SOS2: variants seen among roughly 807,000 people sequenced by gnomAD.
SOS2 encodes the protein SOS Ras/Rho guanine nucleotide exchange factor 2.
Under a neutral mutation model 148.2 loss-of-function variants are expected in SOS2, and 65 were observed. The observed-to-expected ratio is 0.44, with a 90% CI of 0.36 to 0.54. The LOEUF (loss-of-function observed/expected upper bound fraction) is 0.54. SOS2 is among the 20% of genes least tolerant of loss of function. The pLI is 0.00. For synonymous variants in SOS2, 539 were observed against 537.1 expected (o/e 1.00, Z -0.05); for missense variants, 1,341 against 1,590.2 (o/e 0.84, Z 2.67).
chr14:50,203,240 C>T (rs767100400), intron 2 of SOS2, among the ~76,000 whole-genome samples: 14 of 151,494 alleles, frequency 9.2e-5, no homozygotes, highest in Non-Finnish European at 1.5e-4. Context: ...CTGGGGTGCA[C>T]GCCTGTAGTC....
rs905538725 is a variant in SOS2 at position 50,208,211 on chromosome 14, C to T, written c.88-3802G>A. 7.9e-5 allele frequency among the ~76,000 whole-genome samples: 12 copies of T among 151,956 alleles called. No individual in the cohort carries two copies. In the East Asian group the frequency reaches 1.4e-3, roughly 17 times the overall value. ...ACTTGGGAGGCTGAGGCAGGAGAATCGCTTGAACCCGGGAGGCGGAGGTTG... is the reference window on the plus strand; with the variant it reads ...ACTTGGGAGGCTGAGGCAGGAGAATTGCTTGAACCCGGGAGGCGGAGGTTG... On this transcript the variant is annotated intron_variant, in intron 1 of 22. Transcript: ENST00000216373.
At chr14:50,228,682 G>A (rs1887453328) in intron 1 of SOS2, among the ~76,000 whole-genome samples, 2 of 152,138 alleles carry the variant, frequency 1.3e-5, no homozygotes, top group African/African-American at 4.8e-5. Flanking sequence ...CTACATTGCT[G>A]CTTTCATAGA....
Position 50,120,803 on chromosome 14 carries a change from G to A in SOS2, c.3380-419C>T, listed in dbSNP as rs181906234. Among the ~76,000 whole-genome samples, 562 of 131,052 alleles carry A rather than the reference G, an allele frequency of 4.3e-3. 4 individuals are homozygous for A. Among genetic ancestry groups the A allele is most frequent in the African/African-American group, 0.015 (501 of 34,304 alleles). The allele number at this position is 131,052 out of a possible 152,430, so 86.0% of individuals were successfully genotyped here. On this transcript the variant is annotated intron_variant, in intron 21 of 22. Transcript: ENST00000216373. ...CGCCTAGGCTGGAGTGCAATGGCAC[G>A]ATCTCGGCTCACTGCAACCTCCGCC...
At chr14:50,199,970 C>A in intron 3 of SOS2, 115 bp from the exon 4 acceptor site, 2 of 623,566 alleles carry the variant, frequency 3.2e-6, no homozygotes, top group Non-Finnish European at 5.5e-6. Context: ...AACTACATGT[C>A]TAAATGTATG....
intron 4 of SOS2, among the ~76,000 whole-genome samples, chr14:50,192,682 G>A (rs531961935): frequency 7.5e-4 from 114 of 152,104 alleles, no homozygotes; most frequent in Non-Finnish European, 1.3e-3. Flanking sequence ...TGGCCAACAC[G>A]GCAAAACCCT....
chr14:50,177,359 A>C (rs928141876), intron 7 of SOS2, among the ~76,000 whole-genome samples: 2 of 152,202 alleles, frequency 1.3e-5, no homozygotes, highest in African/African-American at 4.8e-5. Flanking sequence ...ACAGCTTCTA[A>C]AGATGCTTTT....
chr14:50,121,532 G>T (rs1027087771), intron 21 of SOS2, among the ~76,000 whole-genome samples: 18 of 2,606 alleles, frequency 6.9e-3, no homozygotes, highest in East Asian at 0.058. Flanking sequence ...TCCTGGGGGA[G>T]GGGGGGGAGT....
intron 1 of SOS2, among the ~76,000 whole-genome samples, chr14:50,204,719 GTCAATAAACCT>G (rs1886605858): frequency 6.6e-6 from 1 of 152,082 alleles, no homozygotes; most frequent in Non-Finnish European, 1.5e-5. Flanking sequence ...ATACCCTGAA[GTCAATAAACCT>G]ACTTGAAGTC....
chr14:50,156,074 T>A (rs2139614283), intron 12 of SOS2: 1 of 152,230 alleles, frequency 6.6e-6, no homozygotes, highest in Admixed American at 6.5e-5. Flanking sequence ...GTTCCAAAAT[T>A]ACAATTTATT....
chr14:50,189,102 C>CACACACACAT (rs36076916), intron 4 of SOS2, among the ~76,000 whole-genome samples: 8 of 145,400 alleles, frequency 5.5e-5, no homozygotes, highest in African/African-American at 1.3e-4. Context: ...CACACACACA[C>CACACACACAT]GCACACACAA....
rs1174199602 is a variant in SOS2, at chr14:50,153,668, A to G, written c.2058-495T>C. On this transcript the variant is annotated intron_variant, in intron 12 of 22. Coordinates refer to ENST00000216373, the MANE Select transcript of SOS2 (RefSeq NM_006939.4). ...GCTCTTGTTGCCCAGGCTGGAGTGC[A>G]ATGGTGCGATCTCAGCTCACTACAA... is the stretch of plus-strand genomic sequence containing the variant. Among the ~76,000 whole-genome samples the G allele has an allele frequency of 3.9e-5, 6 of 152,226 alleles. No individual in the cohort carries two copies. The South Asian group carries it at 1.2e-3, about 32-fold the overall frequency.
intron 1 of SOS2, among the ~76,000 whole-genome samples, chr14:50,227,771 T>A (rs939804341): frequency 6.6e-6 from 1 of 152,182 alleles, no homozygotes; most frequent in African/African-American, 2.4e-5. Context: ...ATTGGTTTTT[T>A]AAAAATCCCT....
At chr14:50,170,991 G>GT (rs1383975817) in intron 8 of SOS2, among the ~76,000 whole-genome samples, 1 of 151,772 alleles carries the variant, frequency 6.6e-6, no homozygotes, top group African/African-American at 2.4e-5. Flanking sequence ...ACAGGCGCCT[G>GT]TAATCCCAGC....
chr14:50,147,056 G>A (rs1321272484), intron 14 of SOS2, among the ~76,000 whole-genome samples: 1 of 148,626 alleles, frequency 6.7e-6, no homozygotes, highest in African/African-American at 2.5e-5. Context: ...AAAAAAAACA[G>A]GCACAGTAGT....
rs1003370360 is a variant in SOS2, at chr14:50,188,756, T to C, written c.511-56A>G. 2.5e-6 allele frequency: 3 copies of C among 1,190,530 alleles called. No individual in the cohort carries two copies. The African/African-American group carries it at 4.7e-5, about 19-fold the overall frequency. 73.7% of individuals were successfully genotyped at this position (1,190,530 alleles called of 1,614,324 possible). ...TTATTTTCTTTACTTTTATAAAAACTGCCTCAAAGTACTTGAAATCTATAC... is the reference window on the plus strand; with the variant it reads ...TTATTTTCTTTACTTTTATAAAAACCGCCTCAAAGTACTTGAAATCTATAC... On this transcript the variant is annotated intron_variant, in intron 4 of 22. Coordinates refer to ENST00000216373, the MANE Select transcript of SOS2 (RefSeq NM_006939.4).
Position 50,143,288 on chromosome 14 carries a change from G to T in SOS2, c.2667+1882C>A, listed in dbSNP as rs1254663985. The stretch of plus-strand genomic sequence containing the variant: ...TGCAGTGGGCTATGATCATGCCACT[G>T]GCACTCCAGCCTGGGTGACAGAGCA... On this transcript the variant is annotated intron_variant, in intron 16 of 22. Transcript: ENST00000216373. Among the ~76,000 whole-genome samples the T allele has an allele frequency of 3.4e-5, 5 of 149,068 alleles. No individual in the cohort carries two copies. In the East Asian group the frequency reaches 9.8e-4, roughly 29 times the overall value.
intron 8 of SOS2, among the ~76,000 whole-genome samples, chr14:50,166,342 C>G (rs987437970): frequency 3.3e-5 from 5 of 152,038 alleles, no homozygotes; most frequent in Admixed American, 6.6e-5. Context: ...CCTGCCTTAA[C>G]CCCCCAACCC....
chr14:50,141,357 A>G (rs1884277985), intron 16 of SOS2, among the ~76,000 whole-genome samples: 1 of 151,888 alleles, frequency 6.6e-6, no homozygotes, highest in Non-Finnish European at 1.5e-5. Flanking sequence ...CAATCTCCAC[A>G]TAAAATTTAA....
intron 12 of SOS2, among the ~76,000 whole-genome samples, chr14:50,154,540 G>A (rs543690792): frequency 3.0e-4 from 46 of 152,106 alleles, no homozygotes; most frequent in African/African-American, 1.1e-3. Context: ...AGTTCATAGC[G>A]GCTTTATTCA....
Sources: allele counts gnomAD v4.1 joint callset (sites outside exome capture counted in the v4.1 genomes callset), GRCh38; gene constraint gnomAD v4.1.1; transcripts MANE v1.5; gene names NCBI Gene and HGNC (gene_info 2026-07-23, HGNC 2026-07-21).